AKT3: variants seen among roughly 807,000 people sequenced by gnomAD.
AKT3 encodes the protein AKT serine/threonine kinase 3.
Under a neutral mutation model 65.3 loss-of-function variants are expected in AKT3, and 15 were observed. That is an observed-to-expected ratio of 0.23 (90% CI 0.15 to 0.35). The LOEUF (loss-of-function observed/expected upper bound fraction) is 0.35, where lower values mean the gene tolerates loss of function less well. Among genes scored for constraint, AKT3 ranks in the 10% least tolerant of loss-of-function variants. The pLI, the probability that AKT3 is intolerant of heterozygous loss-of-function variation, is 1.00. For synonymous variants in AKT3, 206 were observed against 183.8 expected (o/e 1.12, Z -0.98); for missense variants, 243 against 576.5 (o/e 0.42, Z 5.92).
chr1:243,785,630 C>T (rs941812260), intron 2 of AKT3, among the ~76,000 whole-genome samples: 3 of 152,182 alleles, frequency 2.0e-5, no homozygotes, highest in East Asian at 1.9e-4. Flanking sequence ...CTTGGTTTCT[C>T]GTCCATTACC....
At chr1:243,571,779 A>G (rs2148504614) in intron 9 of AKT3, among the ~76,000 whole-genome samples, 1 of 152,334 alleles carries the variant, frequency 6.6e-6, no homozygotes, top group African/African-American at 2.4e-5. Context: ...CTAGTTATAA[A>G]AAGATTCAGG....
downstream of AKT3, among the ~76,000 whole-genome samples, chr1:243,495,120 C>G (rs1667453909): frequency 2.0e-5 from 3 of 152,248 alleles, no homozygotes; most frequent in Non-Finnish European, 4.4e-5. Context: ...AGATGACAAA[C>G]TCAGACCCCA....
chr1:243,574,724 C>T (rs1323229253), intron 8 of AKT3, among the ~76,000 whole-genome samples: 1 of 152,026 alleles, frequency 6.6e-6, no homozygotes, highest in African/African-American at 2.4e-5. Context: ...TAGAAGGAGC[C>T]ATGTTTTCCA....
chr1:243,580,267 G>C (rs1397338383), intron 8 of AKT3, among the ~76,000 whole-genome samples: 1 of 152,138 alleles, frequency 6.6e-6, no homozygotes, highest in African/African-American at 2.4e-5. Context: ...GTGCATGAGA[G>C]AGGCAAGGAG....
intron 4 of AKT3, among the ~76,000 whole-genome samples, chr1:243,648,332 TCA>T (rs1681008007): frequency 6.6e-6 from 1 of 151,768 alleles, no homozygotes; most frequent in African/African-American, 2.4e-5. Context: ...TATAAAATGA[TCA>T]CACAGATTTT....
At chr1:243,575,156 C>T (rs1037137043) in intron 8 of AKT3, among the ~76,000 whole-genome samples, 2 of 152,152 alleles carry the variant, frequency 1.3e-5, no homozygotes, top group African/African-American at 2.4e-5. Context: ...ACTGCTTCTT[C>T]CAAATCTGAA....
chr1:243,650,871 G>C lies in AKT3; in HGVS notation c.285-4834C>G, dbSNP rs184247153. Among the ~76,000 whole-genome samples the C allele has an allele frequency of 5.7e-4, 87 of 152,264 alleles. 1 individual carries two copies. In the East Asian group the frequency reaches 0.015, roughly 27 times the overall value. ...AGCTTTGTTCTTTTTGCTCAGGATT[G>C]TCTTGGCTATGCGGGCTATTTTTTG... is the stretch of plus-strand genomic sequence containing the variant. On this transcript the variant is annotated intron_variant, in intron 4 of 13. Coordinates refer to ENST00000673466, the MANE Select transcript of AKT3 (RefSeq NM_005465.7).
intron 6 of AKT3, among the ~76,000 whole-genome samples, chr1:243,621,180 C>T (rs1678722004): frequency 6.6e-6 from 1 of 152,156 alleles, no homozygotes; most frequent in Non-Finnish European, 1.5e-5. Flanking sequence ...AAGACTAGAA[C>T]CCAGGTCTGT....
chr1:243,849,928 C>T (rs977894920), intron 1 of AKT3, 112 bp downstream of exon 1: 1 of 807,354 alleles, frequency 1.2e-6, no homozygotes, highest in South Asian at 5.6e-5. Context: ...TCACCCCACC[C>T]CGCCGCCATC....
intron 2 of AKT3, among the ~76,000 whole-genome samples, chr1:243,838,741 G>A (rs1246136579): frequency 1.3e-5 from 2 of 152,030 alleles, no homozygotes; most frequent in South Asian, 2.1e-4. Context: ...ACCAAATACC[G>A]ACACTGTAGT....
At chr1:243,790,969 C>T (rs536026263) in intron 2 of AKT3, among the ~76,000 whole-genome samples, 15 of 152,148 alleles carry the variant, frequency 9.9e-5, no homozygotes, top group African/African-American at 1.7e-4. Flanking sequence ...TCACCATAAC[C>T]GGTATAATAA....
chr1:243,754,718 T>C (rs1322700310), intron 2 of AKT3, among the ~76,000 whole-genome samples: 1 of 152,198 alleles, frequency 6.6e-6, no homozygotes, highest in Non-Finnish European at 1.5e-5. Context: ...TAATACCTGA[T>C]GGTCTGAAGT....
intron 12 of AKT3, among the ~76,000 whole-genome samples, chr1:243,529,724 A>G (rs775902971): frequency 4.6e-5 from 7 of 152,110 alleles, no homozygotes; most frequent in Admixed American, 6.5e-5. Flanking sequence ...TGCGTAATGT[A>G]ATGTCTCTGG....
Position 243,699,511 on chromosome 1 carries a change from A to ATATATATATG in AKT3, c.47-3796_47-3795insCATATATATA, listed in dbSNP as rs1685301766. On this transcript the variant is annotated intron_variant, in intron 2 of 13. Coordinates refer to ENST00000673466, the MANE Select transcript of AKT3 (RefSeq NM_005465.7). ...TATATATATATATATATATATATAT[A>ATATATATATG]TAATCTTCATGGGTGCTTCCACTTC... Among the ~76,000 whole-genome samples the ATATATATATG allele has an allele frequency of 5.3e-5, 6 of 113,140 alleles. 2 individuals are homozygous for ATATATATATG. The highest frequency in any genetic ancestry group is 1.7e-4 in the African/African-American group (5 of 29,158). The allele number at this position is 113,140 out of a possible 152,430, so 74.2% of individuals were successfully genotyped here.
chr1:243,531,940 A>G (rs577061399), intron 12 of AKT3, among the ~76,000 whole-genome samples: 2 of 152,252 alleles, frequency 1.3e-5, no homozygotes, highest in African/African-American at 4.8e-5. Context: ...AATACAATGT[A>G]TTTTCTAGCT....
chr1:243,699,040 T>A (rs1230916537), intron 2 of AKT3, among the ~76,000 whole-genome samples: 1 of 152,106 alleles, frequency 6.6e-6, no homozygotes, highest in Non-Finnish European at 1.5e-5. Context: ...CAGTGTGAGT[T>A]CAGATAAGGC....
chr1:243,554,948 G>A (rs951116031), intron 10 of AKT3, among the ~76,000 whole-genome samples: 9 of 151,780 alleles, frequency 5.9e-5, no homozygotes, highest in African/African-American at 2.2e-4. Flanking sequence ...ACATAAAAAA[G>A]GGGGGTTTTA....
At chr1:243,577,889 C>T (rs1166731715) in intron 8 of AKT3, among the ~76,000 whole-genome samples, 2 of 152,082 alleles carry the variant, frequency 1.3e-5, no homozygotes, top group Admixed American at 6.5e-5. Flanking sequence ...TGAGCAGACA[C>T]TTCTCAAAAG....
chr1:243,558,543 A>C (rs1673562500), intron 10 of AKT3, among the ~76,000 whole-genome samples: 1 of 152,126 alleles, frequency 6.6e-6, no homozygotes, highest in Non-Finnish European at 1.5e-5. Flanking sequence ...TGGAAAAACA[A>C]ATCATTTTAC....
Sources: allele counts gnomAD v4.1 joint callset (sites outside exome capture counted in the v4.1 genomes callset), GRCh38; gene constraint gnomAD v4.1.1; transcripts MANE v1.5; gene names NCBI Gene and HGNC (gene_info 2026-07-23, HGNC 2026-07-21).